The following ERCC4 variants were observed in gnomAD, a reference collection of about 807,000 sequenced individuals.
ERCC4 encodes the protein DNA repair endonuclease XPF.
Under a neutral mutation model 76.9 loss-of-function variants are expected in ERCC4, and 65 were observed. That is an observed-to-expected ratio of 0.84 (90% confidence interval 0.69 to 1.04). The LOEUF is 1.04. ERCC4 is among the 50% of genes least tolerant of loss of function. The pLI is 0.00. For missense variants in ERCC4, 1,214 were observed against 1,128.2 expected, an observed-to-expected ratio of 1.08 and a Z score of -1.09; for synonymous variants, 463 against 410.1, an observed-to-expected ratio of 1.13 and a Z score of -1.56.
rs753534967 is a variant in ERCC4, at chr16:13,922,049, C to G, written c.226C>G (p.Leu76Val). The change falls in exon 2 of 11, where the codon CTG (leucine) becomes GTG (valine). Residue 76 changes from leucine (L) to valine (V), a missense_variant. Transcript: ENST00000311895. ...GATTTAGGAGTATTTTATCAATCAG[C>G]TGAAGATAGAAGGAGTTGAACACCT... ...PAEEEYFINQ[L>V]KIEGVEHLPR... is the part of the protein sequence containing the mutation. The G allele has an allele frequency of 6.2e-7, 1 of 1,613,374 alleles. No homozygotes were observed. Among genetic ancestry groups the G allele is most frequent in the Non-Finnish European group, 8.5e-7 (1 of 1,179,422 alleles).
chr16:13,931,336 C>A, intron 5 of ERCC4: 1 of 179,130 alleles, frequency 5.6e-6, no homozygotes, highest in Non-Finnish European at 1.2e-5. Flanking sequence ...TCTCGTTTGG[C>A]TACCACTGTT....
At chr16:13,945,650 A>C (rs889326288) in intron 10 of ERCC4, among the ~76,000 whole-genome samples, 9 of 152,314 alleles carry the variant, frequency 5.9e-5, no homozygotes, top group African/African-American at 1.9e-4. Context: ...AGTGGATGTG[A>C]AATGGAGCCA....
At chr16:13,933,045 C>CA (rs11337706) in intron 6 of ERCC4, 8,337 of 215,300 alleles carry the variant, frequency 0.039, 80 homozygotes, top group African/African-American at 0.083. Flanking sequence ...GACTCGGTCT[C>CA]AAAAAAAAAA....
At position 13,926,395 on chromosome 16, in the gene ERCC4, T is replaced by C. The variant is rs552916733; in HGVS notation, c.389-166T>C. ...ATATTTTACGTATTTATATTGTTTA[T>C]AGTCAATTCCTTGAGGACAGGGATT... On this transcript the variant is annotated intron_variant, in intron 2 of 10. Transcript: ENST00000311895. 2.0e-5 allele frequency among the ~76,000 whole-genome samples: 3 copies of C among 152,372 alleles called. No homozygotes were observed. The South Asian group carries it at 6.2e-4, about 32-fold the overall frequency.
rs750391635 is a variant in ERCC4 at position 13,948,131 on chromosome 16, T to C, written c.2535T>C (p.Asn845=). ...SETLPESEKY[N]PGPQDFLLKM... ...CCCTTCCCGAGTCAGAGAAGTATAA[T>C]CCTGGTCCCCAAGACTTCTTGTTAA... Residue 845 remains asparagine, a synonymous_variant, in exon 11 of 11, where the codon AAT becomes AAC. Coordinates refer to ENST00000311895, the MANE Select transcript of ERCC4 (RefSeq NM_005236.3). 9 of 1,614,166 alleles carry C rather than the reference T, an allele frequency of 5.6e-6. No homozygotes were observed. Among genetic ancestry groups the C allele is most frequent in the South Asian group, 4.4e-5 (4 of 91,068 alleles).
chr16:13,924,431 T>G (rs182728107), intron 2 of ERCC4, among the ~76,000 whole-genome samples: 38 of 152,354 alleles, frequency 2.5e-4, no homozygotes, highest in South Asian at 1.0e-3. Flanking sequence ...TATATATGTA[T>G]TTTTCAGTTA....
At chr16:13,923,197 T>C (rs891203567) in intron 2 of ERCC4, among the ~76,000 whole-genome samples, 1 of 152,202 alleles carries the variant, frequency 6.6e-6, no homozygotes, top group Non-Finnish European at 1.5e-5. Flanking sequence ...CATATTACCC[T>C]GTATTTCTCC....
chr16:13,933,143 C>T (rs948512289), intron 6 of ERCC4: 5 of 322,672 alleles, frequency 1.5e-5, no homozygotes, highest in African/African-American at 1.1e-4. Flanking sequence ...TAAGGTGAGC[C>T]CAGGAGTTGA....
At position 13,947,613 on chromosome 16, in the gene ERCC4, G is replaced by C. The variant is rs761216891; in HGVS notation, c.2018-1G>C. Reference sequence around the variant, plus strand: ...TGACATTACTTACTTTTTCTCTGTAGGTGGCCAGGAACAGAATGGTACACA... The same window carrying C: ...TGACATTACTTACTTTTTCTCTGTACGTGGCCAGGAACAGAATGGTACACA... On this transcript the variant is annotated splice_acceptor_variant, in intron 10 of 10. Transcript: ENST00000311895. LOFTEE classifies it high-confidence loss of function. 3 of 1,614,068 alleles carry C rather than the reference G, an allele frequency of 1.9e-6. No individual in the cohort carries two copies. Among genetic ancestry groups the C allele is most frequent in the South Asian group, 2.2e-5 (2 of 91,066 alleles).
Position 13,948,100 on chromosome 16 carries a change from C to G in ERCC4, c.2504C>G (p.Ser835Cys). Residue 835 changes from serine to cysteine, a missense_variant, in exon 11 of 11, where the codon TCT becomes TGT. Coordinates refer to ENST00000311895, the MANE Select transcript of ERCC4 (RefSeq NM_005236.3). The stretch of plus-strand genomic sequence containing the variant: ...ACAGCACTGGCCATTACAGCAGATT[C>G]TGAAACCCTTCCCGAGTCAGAGAAG... ...AATALAITAD[S>C]ETLPESEKYN... 6.2e-7 allele frequency: 1 copy of G among 1,614,180 alleles called. No homozygotes were observed. The highest frequency in any genetic ancestry group is 2.2e-5 in the East Asian group (1 of 44,878).
At chr16:13,934,531 A>G (rs979660753) in intron 7 of ERCC4, 5 of 502,324 alleles carry the variant, frequency 1.0e-5, no homozygotes, top group South Asian at 6.4e-5. Context: ...TGTTTTCTCC[A>G]GGTTGAATCA....
intron 1 of ERCC4, 46 bp from the exon 2 acceptor site, chr16:13,921,985 C>A: frequency 7.5e-7 from 1 of 1,339,246 alleles, no homozygotes; most frequent in Non-Finnish European, 1.1e-6. Context: ...CTATTAAAAA[C>A]TGCCCTGTAT....
intron 10 of ERCC4, among the ~76,000 whole-genome samples, chr16:13,946,012 G>A (rs149026566): frequency 6.6e-6 from 1 of 152,182 alleles, no homozygotes; most frequent in Non-Finnish European, 1.5e-5. Flanking sequence ...TATCGGCATG[G>A]CTGCATTCCT....
chr16:13,934,899 C>G (rs911025694), intron 7 of ERCC4: 4 of 427,108 alleles, frequency 9.4e-6, no homozygotes, highest in Non-Finnish European at 1.3e-5. Context: ...CCCAATTACA[C>G]CACAGTTGTA....
chr16:13,934,293 G>C lies in ERCC4; in HGVS notation c.1204G>C (p.Gly402Arg), dbSNP rs200759609. The C allele has an allele frequency of 2.0e-5, 32 of 1,605,560 alleles. No individual in the cohort carries two copies. Among genetic ancestry groups the C allele is most frequent in the Non-Finnish European group, 2.7e-5 (32 of 1,172,520 alleles). Residue 402 changes from glycine (G) to arginine (R), a missense_variant, in exon 7 of 11, where the codon GGT (glycine) becomes CGT (arginine). Transcript: ENST00000311895. Reference protein sequence around the residue: ...EAENKESEALGGPGQVLICAS... With the variant: ...EAENKESEALRGPGQVLICAS... ...AGAAAATAAGGAGAGTGAAGCTCTTGGTGGTCCAGGTAGGAAAAAAGGAGA... is the reference window on the plus strand; with the variant it reads ...AGAAAATAAGGAGAGTGAAGCTCTTCGTGGTCCAGGTAGGAAAAAAGGAGA...
In ERCC4 at chr16:13,947,655, G is replaced by A. The variant is rs2141619715; in HGVS notation, c.2059G>A (p.Asp687Asn). 2 of 1,614,160 alleles carry A rather than the reference G, an allele frequency of 1.2e-6. No individual in the cohort carries two copies. The highest frequency in any genetic ancestry group is 1.7e-6 in the Non-Finnish European group (2 of 1,180,010). ...TGGTACACAGCAAAGCATAGTTGTGGATATGCGTGAATTTCGAAGTGAGCT... is the reference window on the plus strand; with the variant it reads ...TGGTACACAGCAAAGCATAGTTGTGAATATGCGTGAATTTCGAAGTGAGCT... ...QNGTQQSIVV[D>N]MREFRSELPS... The change falls in exon 11 of 11, where the codon GAT (aspartate) becomes AAT (asparagine). Residue 687 changes from aspartate (D) to asparagine (N), a missense_variant. Physicochemically the swap from Asp to Asn is conservative, Grantham distance 23. Transcript: ENST00000311895.
rs1298338918 is a variant in ERCC4, at chr16:13,952,273, A to C, written c.*3926A>C. The stretch of plus-strand genomic sequence containing the variant: ...CATATATTACCAGCAGTAATAATTC[A>C]AAATCCTGAAAATGTTTCATTTTTT... On this transcript the variant is annotated 3_prime_UTR_variant, in exon 11 of 11. Coordinates refer to ENST00000311895, the MANE Select transcript of ERCC4 (RefSeq NM_005236.3). 5.5e-6 allele frequency: 1 copy of C among 183,144 alleles called. No homozygotes were observed. Among genetic ancestry groups the C allele is most frequent in the Non-Finnish European group, 1.2e-5 (1 of 86,614 alleles). 11.3% of individuals were successfully genotyped at this position (183,144 alleles called of 1,614,324 possible).
intron 2 of ERCC4, chr16:13,922,702 G>T: frequency 8.0e-6 from 3 of 374,298 alleles, no homozygotes; most frequent in Non-Finnish European, 1.5e-5. Flanking sequence ...GACCGGAGAG[G>T]GTATTTTCTA....
intron 5 of ERCC4, chr16:13,931,746 A>G (rs1177902241): frequency 1.1e-5 from 2 of 179,672 alleles, no homozygotes; most frequent in Non-Finnish European, 2.3e-5. Context: ...ATAAATTATT[A>G]CTTTCCAGTA....
Sources: gnomAD v4.1 joint callset for allele counts (sites outside exome capture counted in the v4.1 genomes callset) on GRCh38, gnomAD v4.1.1 for gene constraint, MANE v1.5 for transcripts, NCBI Gene and HGNC (gene_info 2026-07-23, HGNC 2026-07-21) for gene names.